The following OR51E1 variants were observed in gnomAD, a reference collection of about 807,000 sequenced individuals.
OR51E1 encodes olfactory receptor 51E1.
OR51E1 carries 9 observed loss-of-function variants against 11.5 expected under a neutral mutation model. The observed-to-expected ratio is 0.78, with a 90% CI of 0.47 to 1.37. The LOEUF (loss-of-function observed/expected upper bound fraction) is 1.37. Among genes scored for constraint, OR51E1 ranks in the 40% most tolerant of loss-of-function variants. The probability of loss-of-function intolerance (pLI) is 0.00; values close to 1 mark genes in which losing one functional copy is unlikely to be tolerated. For synonymous variants in OR51E1, 168 were observed against 158.3 expected, an observed-to-expected ratio of 1.06 and a Z score of -0.46; for missense variants, 397 against 410.2, an observed-to-expected ratio of 0.97 and a Z score of 0.28.
At chr11:4,651,451 G>T (rs1023539839) in intron 1 of OR51E1, among the ~76,000 whole-genome samples, 1 of 152,210 alleles carries the variant, frequency 6.6e-6, no homozygotes, top group Admixed American at 6.5e-5. Context: ...AAGCTCTGAA[G>T]TACAAATTGC....
Position 4,654,233 on chromosome 11 carries a change from C to T in OR51E1, c.*750C>T, listed in dbSNP as rs1847141480. ...AAGTATAAAAATTAAAAAAAAAAGACTTCATGCCCAATCTCATATGATGTG... is the reference window on the plus strand; with the variant it reads ...AAGTATAAAAATTAAAAAAAAAAGATTTCATGCCCAATCTCATATGATGTG... On this transcript the variant is annotated 3_prime_UTR_variant, in exon 2 of 2. Coordinates refer to ENST00000396952, the MANE Select transcript of OR51E1 (RefSeq NM_152430.4). 1.2e-5 allele frequency: 2 copies of T among 167,066 alleles called. No individual in the cohort carries two copies. The highest frequency in any genetic ancestry group is 6.5e-5 in the Admixed American group (1 of 15,294). 10.3% of individuals were successfully genotyped at this position (167,066 alleles called of 1,614,324 possible). A position where few individuals can be genotyped will look rare whatever the true frequency, so the allele number is the denominator to read the frequency against.
rs1369448993 is a variant in OR51E1 at position 4,653,597 on chromosome 11, G to C, written c.*114G>C. ...ATTTCCTTAATAAAAATACAACTCA[G>C]ATCCTTCAAATATGAAACTGGTTGG... On this transcript the variant is annotated 3_prime_UTR_variant, in exon 2 of 2. Coordinates refer to ENST00000396952, the MANE Select transcript of OR51E1 (RefSeq NM_152430.4). 9.9e-6 allele frequency: 6 copies of C among 606,668 alleles called. No homozygotes were observed. The East Asian group carries it at 1.4e-4, about 14-fold the overall frequency. 37.6% of individuals were successfully genotyped at this position (606,668 alleles called of 1,614,324 possible).
intron 1 of OR51E1, among the ~76,000 whole-genome samples, chr11:4,651,479 A>T (rs1272073449): frequency 6.6e-6 from 1 of 152,180 alleles, no homozygotes; most frequent in Non-Finnish European, 1.5e-5. Flanking sequence ...TGTTTGTTGC[A>T]CCCAGAGGCA....
chr11:4,644,466 G>C (rs981501086), intron 1 of OR51E1, among the ~76,000 whole-genome samples: 1 of 151,962 alleles, frequency 6.6e-6, no homozygotes, highest in African/African-American at 2.4e-5. Context: ...GTGGAAGTGG[G>C]GCTCTGAGTG....
intron 1 of OR51E1, among the ~76,000 whole-genome samples, chr11:4,650,903 T>G (rs1847088148): frequency 6.6e-6 from 1 of 151,764 alleles, no homozygotes; most frequent in African/African-American, 2.4e-5. Context: ...GATTTTTGCA[T>G]TAGGGATGCT....
Position 4,652,706 on chromosome 11 carries a change from G to A in OR51E1, c.180G>A (p.Glu60=), listed in dbSNP as rs1207757548. ...TGCGGACTGAGCACAGCCTGCATGA[G>A]CCCATGTATATATTTCTTTGCATGC... ...YIVRTEHSLH[E]PMYIFLCMLS... The change falls in exon 2 of 2, where the codon GAG becomes GAA. Residue 60 remains glutamate, a synonymous_variant. Coordinates refer to ENST00000396952, the MANE Select transcript of OR51E1 (RefSeq NM_152430.4). The A allele has an allele frequency of 6.2e-7, 1 of 1,614,078 alleles. No homozygotes were observed. The highest frequency in any genetic ancestry group is 1.7e-5 in the Admixed American group (1 of 60,016).
rs1847133158 is a variant in OR51E1 at position 4,653,559 on chromosome 11, A to G, written c.*76A>G. 6 of 915,732 alleles carry G rather than the reference A, an allele frequency of 6.6e-6. No individual in the cohort carries two copies. In the South Asian group the frequency reaches 9.0e-5, roughly 14 times the overall value. The allele number at this position is 915,732 out of a possible 1,614,324, so 56.7% of individuals were successfully genotyped here. ...TAATGTTAACATTTTGGAAGACAGT[A>G]TTCAGAAAAAAAATTTCCTTAATAA... On this transcript the variant is annotated 3_prime_UTR_variant, in exon 2 of 2. Coordinates refer to ENST00000396952, the MANE Select transcript of OR51E1 (RefSeq NM_152430.4).
In OR51E1 at chr11:4,655,422, A is replaced by T. The variant is rs907941674; in HGVS notation, c.*1939A>T. The stretch of plus-strand genomic sequence containing the variant: ...CAAACCTCTGTCATTTGCAACTCCC[A>T]CTTGTATTTGTACGAGGCAGTTGGA... On this transcript the variant is annotated 3_prime_UTR_variant, in exon 2 of 2. Coordinates refer to ENST00000396952, the MANE Select transcript of OR51E1 (RefSeq NM_152430.4). 1.2e-5 allele frequency: 2 copies of T among 166,922 alleles called. No individual in the cohort carries two copies. Among genetic ancestry groups the T allele is most frequent in the African/African-American group, 2.4e-5 (1 of 41,458 alleles). The allele number at this position is 166,922 out of a possible 1,614,324, so 10.3% of individuals were successfully genotyped here. A position where few individuals can be genotyped will look rare whatever the true frequency, so the allele number is the denominator to read the frequency against.
intron 1 of OR51E1, among the ~76,000 whole-genome samples, chr11:4,648,687 A>G (rs76344493): frequency 2.6e-5 from 4 of 152,126 alleles, no homozygotes; most frequent in African/African-American, 9.7e-5. Context: ...ATATCTGTTT[A>G]TGTAAAACTG....
At position 4,652,752 on chromosome 11, in the gene OR51E1, A is replaced by G. The variant is rs1847115385; in HGVS notation, c.226A>G (p.Ile76Val). ...LCMLSGIDIL[I>V]STSSMPKMLA... is the part of the protein sequence containing the mutation. Reference sequence around the variant, plus strand: ...CATGCTTTCAGGCATTGACATCCTCATCTCCACCTCATCCATGCCCAAAAT... The same window carrying G: ...CATGCTTTCAGGCATTGACATCCTCGTCTCCACCTCATCCATGCCCAAAAT... Residue 76 changes from isoleucine to valine, a missense_variant, in exon 2 of 2, where the codon ATC becomes GTC. Transcript: ENST00000396952. The G allele has an allele frequency of 3.1e-6, 5 of 1,614,044 alleles. No homozygotes were observed. The East Asian group carries it at 1.1e-4, about 36-fold the overall frequency.
In OR51E1 at chr11:4,653,324, T is replaced by C. The variant is rs1264278332; in HGVS notation, c.798T>C (p.Phe266=). Residue 266 remains phenylalanine (F), a synonymous_variant, in exon 2 of 2, where the codon TTT becomes TTC. Transcript: ENST00000396952. ...PFIGLSMVHR[F]SKRRDSPLPV... ...TTGGATTGTCCATGGTGCATCGCTT[T>C]AGCAAGCGGCGTGACTCTCCGCTGC... 6.2e-7 allele frequency: 1 copy of C among 1,614,010 alleles called. No individual in the cohort carries two copies. Among genetic ancestry groups the C allele is most frequent in the Non-Finnish European group, 8.5e-7 (1 of 1,179,988 alleles).
intron 1 of OR51E1, among the ~76,000 whole-genome samples, chr11:4,646,195 C>T (rs144961958): frequency 1.1e-3 from 175 of 152,294 alleles, no homozygotes; most frequent in African/African-American, 3.8e-3. Context: ...CTGACAGCAG[C>T]GCCAGAGGCC....
rs530293461 is a variant in OR51E1, at chr11:4,654,801, G to T, written c.*1318G>T. 1.2e-5 allele frequency: 2 copies of T among 167,058 alleles called. No individual in the cohort carries two copies. Among genetic ancestry groups the T allele is most frequent in the African/African-American group, 2.4e-5 (1 of 41,428 alleles). 10.3% of individuals were successfully genotyped at this position (167,058 alleles called of 1,614,324 possible). A position where few individuals can be genotyped will look rare whatever the true frequency, so the allele number is the denominator to read the frequency against. The stretch of plus-strand genomic sequence containing the variant: ...GAGGGGCTATTACCAAGGGTTAATA[G>T]GTTTCATCTTCAACAGGATATGACA... On this transcript the variant is annotated 3_prime_UTR_variant, in exon 2 of 2. Transcript: ENST00000396952.
At position 4,647,629 on chromosome 11, in the gene OR51E1, G is replaced by A. The variant is rs559728624; in HGVS notation, c.-40+3599G>A. 4.6e-5 allele frequency among the ~76,000 whole-genome samples: 7 copies of A among 152,162 alleles called. No homozygotes were observed. In the East Asian group the frequency reaches 7.7e-4, roughly 17 times the overall value. ...ATTAGGAGACAGAGTTCTGAAGCCCGGGGGAAGGAAGGGAGAGGACTGAAG... is the reference window on the plus strand; with the variant it reads ...ATTAGGAGACAGAGTTCTGAAGCCCAGGGGAAGGAAGGGAGAGGACTGAAG... On this transcript the variant is annotated intron_variant, in intron 1 of 1. Coordinates refer to ENST00000396952, the MANE Select transcript of OR51E1 (RefSeq NM_152430.4).
chr11:4,651,393 C>G (rs1847096279), intron 1 of OR51E1, among the ~76,000 whole-genome samples: 1 of 152,172 alleles, frequency 6.6e-6, no homozygotes, highest in Non-Finnish European at 1.5e-5. Flanking sequence ...GAAAGCTAAG[C>G]AGGGCTGTGG....
intron 1 of OR51E1, among the ~76,000 whole-genome samples, chr11:4,649,373 C>T (rs1030401580): frequency 6.6e-6 from 1 of 151,992 alleles, no homozygotes; most frequent in Admixed American, 6.6e-5. Context: ...CTGGGAGGAA[C>T]AGTTTTTCTT....
rs1467104948 is a variant in OR51E1, at chr11:4,653,752, C to T, written c.*269C>T. ...TACCATGCAGTCCAAATCTAAACTG[C>T]TTCTACTGATGGTTTACAGCATTCT... is the stretch of plus-strand genomic sequence containing the variant. On this transcript the variant is annotated 3_prime_UTR_variant, in exon 2 of 2. Coordinates refer to ENST00000396952, the MANE Select transcript of OR51E1 (RefSeq NM_152430.4). 7 of 341,012 alleles carry T rather than the reference C, an allele frequency of 2.1e-5. No homozygotes were observed. Among genetic ancestry groups the T allele is most frequent in the Non-Finnish European group, 2.2e-5 (4 of 178,350 alleles). The allele number at this position is 341,012 out of a possible 1,614,324, so 21.1% of individuals were successfully genotyped here. A position where few individuals can be genotyped will look rare whatever the true frequency, so the allele number is the denominator to read the frequency against.
intron 1 of OR51E1, among the ~76,000 whole-genome samples, chr11:4,646,023 C>T (rs768772708): frequency 9.9e-5 from 15 of 152,110 alleles, no homozygotes; most frequent in Non-Finnish European, 2.2e-4. Flanking sequence ...AGGGAAGGGA[C>T]TCTATTTAAG....
Position 4,654,149 on chromosome 11 carries a change from A to G in OR51E1, c.*666A>G, listed in dbSNP as rs10500609. ...AGGCAAAGATATTATTAGTACCCTC[A>G]TTGTAGCCATGGGAAAATTGATGTT... On this transcript the variant is annotated 3_prime_UTR_variant, in exon 2 of 2. Transcript: ENST00000396952. 10,204 of 167,012 alleles carry G rather than the reference A, an allele frequency of 0.061. 777 individuals carry two copies. Among genetic ancestry groups the G allele is most frequent in the Admixed American group, 0.16 (2,513 of 15,282 alleles). 10.3% of individuals were successfully genotyped at this position (167,012 alleles called of 1,614,324 possible). A position where few individuals can be genotyped will look rare whatever the true frequency, so the allele number is the denominator to read the frequency against.
Sources: allele counts gnomAD v4.1 joint callset (sites outside exome capture counted in the v4.1 genomes callset), GRCh38; gene constraint gnomAD v4.1.1; transcripts MANE v1.5; gene names NCBI Gene and HGNC (gene_info 2026-07-23, HGNC 2026-07-21).